The following CYP2B6 variants were observed in gnomAD, a reference collection of about 807,000 sequenced individuals.
CYP2B6 encodes the protein cytochrome P450 2B6.
CYP2B6 carries 35 observed loss-of-function variants against 43.4 expected under a neutral mutation model. That is an observed-to-expected ratio of 0.81 (90% CI 0.62 to 1.07). The LOEUF (loss-of-function observed/expected upper bound fraction) is 1.07. Among genes scored for constraint, CYP2B6 ranks in the 50% least tolerant of loss-of-function variants. CYP2B6 has a pLI of 0.00. For missense variants in CYP2B6, 624 were observed against 632.8 expected, an observed-to-expected ratio of 0.99 and a Z score of 0.15; for synonymous variants, 239 against 239.2, an observed-to-expected ratio of 1.00 and a Z score of 0.01.
chr19:40,994,627 A>G (rs1968973177), intron 1 of CYP2B6, among the ~76,000 whole-genome samples: 1 of 152,056 alleles, frequency 6.6e-6, no homozygotes, highest in Non-Finnish European at 1.5e-5. Context: ...ATGCCTGGCC[A>G]CTTTACATAT....
At chr19:41,007,229 C>A in intron 4 of CYP2B6, 164 bp downstream of exon 4, 1 of 700,506 alleles carries the variant, frequency 1.4e-6, no homozygotes, top group East Asian at 2.5e-5. Flanking sequence ...GGAGGAGAGA[C>A]GGTGAGACAG....
intron 3 of CYP2B6, among the ~76,000 whole-genome samples, chr19:41,005,465 A>G (rs1304760116): frequency 6.6e-6 from 1 of 151,670 alleles, no homozygotes; most frequent in Non-Finnish European, 1.5e-5. Flanking sequence ...GCAGGAGGAA[A>G]GAGACAGATG....
chr19:41,002,079 G>A (rs753594415), intron 1 of CYP2B6, among the ~76,000 whole-genome samples: 5 of 152,092 alleles, frequency 3.3e-5, no homozygotes, highest in African/African-American at 4.8e-5. Context: ...AAGTCAGAGC[G>A]GTAATAGGGC....
intron 1 of CYP2B6, among the ~76,000 whole-genome samples, chr19:40,997,353 G>A (rs1568557836): frequency 6.6e-6 from 1 of 151,948 alleles, no homozygotes; most frequent in South Asian, 2.1e-4. Flanking sequence ...ACTTTCCAAT[G>A]GGAGAATTAG....
At chr19:41,001,053 A>T (rs1381191241) in intron 1 of CYP2B6, among the ~76,000 whole-genome samples, 1 of 151,978 alleles carries the variant, frequency 6.6e-6, no homozygotes, top group African/African-American at 2.4e-5. Flanking sequence ...AAAAACCCAA[A>T]CAGAAACAAA....
intron 6 of CYP2B6, 52 bp from the exon 7 acceptor site, chr19:41,012,246 G>A: frequency 1.3e-6 from 2 of 1,577,676 alleles, no homozygotes; most frequent in Non-Finnish European, 1.7e-6. Flanking sequence ...CACCATGCCT[G>A]GCCTGAAATG....
intron 8 of CYP2B6, among the ~76,000 whole-genome samples, chr19:41,014,198 G>A (rs762970952): frequency 9.2e-5 from 14 of 152,272 alleles, no homozygotes; most frequent in Admixed American, 2.6e-4. Flanking sequence ...CCGGTTTTGC[G>A]CAGTACAGTG....
At chr19:40,996,938 T>C (rs1224411792) in intron 1 of CYP2B6, among the ~76,000 whole-genome samples, 1 of 152,100 alleles carries the variant, frequency 6.6e-6, no homozygotes, top group Admixed American at 6.6e-5. Context: ...ACCCTGTCTC[T>C]GAATTGGAAC....
intron 1 of CYP2B6, among the ~76,000 whole-genome samples, chr19:40,991,871 G>A (rs1260124650): frequency 1.3e-5 from 2 of 152,006 alleles, no homozygotes; most frequent in South Asian, 2.1e-4. Flanking sequence ...AAGCCCAGCT[G>A]CTCTGATTAG....
Position 40,991,467 on chromosome 19 carries a change from C to T in CYP2B6, c.162C>T (p.Ser54=). 1 of 1,613,798 alleles carries T rather than the reference C, an allele frequency of 6.2e-7. No individual in the cohort carries two copies. The highest frequency in any genetic ancestry group is 1.1e-5 in the South Asian group (1 of 91,060). Reference sequence around the variant, plus strand: ...TGGATAGAAGAGGCCTACTCAAATCCTTTCTGAGGGTAAGACACAGACGAA... The same window carrying T: ...TGGATAGAAGAGGCCTACTCAAATCTTTTCTGAGGGTAAGACACAGACGAA... ...LQMDRRGLLK[S]FLRFREKYGD... is the part of the protein sequence containing the mutation. Residue 54 remains serine, a synonymous_variant, in exon 1 of 9, where the codon TCC becomes TCT. Transcript: ENST00000324071.
rs36060847 is a variant in CYP2B6 at position 41,004,125 on chromosome 19, G to A, written c.296G>A (p.Gly99Glu). ...AAGGCTGAGGCCTTCTCTGGCCGGG[G>A]AAAAATCGCCATGGTCGACCCATTC... Reference protein sequence around the residue: ...VDKAEAFSGRGKIAMVDPFFR... With the variant: ...VDKAEAFSGREKIAMVDPFFR... Residue 99 changes from glycine (G) to glutamate (E), a missense_variant, in exon 2 of 9, where the codon GGA (glycine) becomes GAA (glutamate). Coordinates refer to ENST00000324071, the MANE Select transcript of CYP2B6 (RefSeq NM_000767.5). 345 of 1,380,236 alleles carry A rather than the reference G, an allele frequency of 2.5e-4. 1 individual carries two copies. Among genetic ancestry groups the A allele is most frequent in the Admixed American group, 7.5e-4 (35 of 46,952 alleles). 85.5% of individuals were successfully genotyped at this position (1,380,236 alleles called of 1,614,324 possible). A position where few individuals can be genotyped will look rare whatever the true frequency, so the allele number is the denominator to read the frequency against.
chr19:41,015,999 TACACACACAC>T (rs113314890), intron 8 of CYP2B6, among the ~76,000 whole-genome samples: 170 of 149,910 alleles, frequency 1.1e-3, no homozygotes, highest in Non-Finnish European at 2.0e-3. Context: ...CATGTACAGG[TACACACACAC>T]ACACACACAC....
chr19:40,997,941 A>T (rs150235766), intron 1 of CYP2B6, among the ~76,000 whole-genome samples: 2 of 152,182 alleles, frequency 1.3e-5, no homozygotes, highest in African/African-American at 2.4e-5. Flanking sequence ...TCTACAAAAA[A>T]GTTTTAAAAA....
intron 1 of CYP2B6, among the ~76,000 whole-genome samples, chr19:40,998,017 A>T (rs768670084): frequency 3.9e-5 from 6 of 152,042 alleles, no homozygotes; most frequent in Non-Finnish European, 8.8e-5. Context: ...CAGGAGGATG[A>T]CTTGAGCCTT....
intron 4 of CYP2B6, among the ~76,000 whole-genome samples, chr19:41,007,872 C>T (rs527913679): frequency 3.9e-5 from 6 of 152,038 alleles, no homozygotes; most frequent in Admixed American, 2.0e-4. Context: ...GTGATCTGCC[C>T]GCCTCAGACT....
At chr19:41,010,219 G>C in intron 6 of CYP2B6, 84 bp downstream of exon 6, 6 of 1,534,044 alleles carry the variant, frequency 3.9e-6, no homozygotes, top group Non-Finnish European at 5.4e-6. Context: ...ACCTGGATGA[G>C]AGAGGGGATG....
intron 8 of CYP2B6, chr19:41,013,160 A>T (rs1969310953): frequency 3.5e-6 from 1 of 287,302 alleles, no homozygotes; most frequent in South Asian, 4.3e-5. Context: ...TCACACAGAG[A>T]CAGGGTTCCT....
chr19:41,002,369 T>A (rs1466011842), intron 1 of CYP2B6, among the ~76,000 whole-genome samples: 4 of 152,180 alleles, frequency 2.6e-5, no homozygotes, highest in Non-Finnish European at 4.4e-5. Context: ...AACTTGAACA[T>A]CACTGTAAAA....
At chr19:41,003,868 G>A in intron 1 of CYP2B6, 133 bp from the exon 2 acceptor site, 2 of 1,226,162 alleles carry the variant, frequency 1.6e-6, no homozygotes, top group South Asian at 1.3e-5. Flanking sequence ...GTCCCAGCAG[G>A]GGAAAGGGCA....
Sources: allele counts gnomAD v4.1 joint callset (sites outside exome capture counted in the v4.1 genomes callset), GRCh38; gene constraint gnomAD v4.1.1; transcripts MANE v1.5; gene names NCBI Gene and HGNC (gene_info 2026-07-23, HGNC 2026-07-21).